CAMKMT: variants seen among roughly 807,000 people sequenced by gnomAD.
The protein encoded by CAMKMT is CaM KMT.
In CAMKMT, 53 loss-of-function variants were observed where a neutral mutation model predicts 48.0. The observed-to-expected ratio is 1.10, with a 90% CI of 0.89 to 1.39. CAMKMT has a LOEUF of 1.39. Among genes scored for constraint, CAMKMT ranks in the 40% most tolerant of loss-of-function variants. The probability of loss-of-function intolerance (pLI) is 0.00; values close to 1 mark genes in which losing one functional copy is unlikely to be tolerated. For missense variants in CAMKMT, 428 were observed against 402.7 expected (o/e 1.06, Z -0.54); for synonymous variants, 165 against 152.3 (o/e 1.08, Z -0.61).
At chr2:44,678,671 T>C (rs145579550) in intron 3 of CAMKMT, among the ~76,000 whole-genome samples, 352 of 152,338 alleles carry the variant, frequency 2.3e-3, no homozygotes, top group Admixed American at 5.4e-3. Context: ...GAAGCCATGT[T>C]ATGTTTTGTG....
intron 3 of CAMKMT, among the ~76,000 whole-genome samples, chr2:44,524,427 CATT>C (rs1032434962): frequency 6.6e-6 from 1 of 152,218 alleles, no homozygotes; most frequent in African/African-American, 2.4e-5. Context: ...CCCAAAGGTG[CATT>C]ATTATTATTG....
At chr2:44,517,325 A>G (rs1448524090) in intron 3 of CAMKMT, among the ~76,000 whole-genome samples, 1 of 152,192 alleles carries the variant, frequency 6.6e-6, no homozygotes, top group African/African-American at 2.4e-5. Flanking sequence ...AATTTTGATT[A>G]ATATGTTTTA....
intron 9 of CAMKMT, among the ~76,000 whole-genome samples, chr2:44,755,092 C>G (rs1156774768): frequency 6.6e-6 from 1 of 152,090 alleles, no homozygotes; most frequent in African/African-American, 2.4e-5. Context: ...TTCAGTGGTT[C>G]CCAGAGCAAT....
chr2:44,400,135 A>T (rs1180936450), intron 3 of CAMKMT, among the ~76,000 whole-genome samples: 3 of 152,182 alleles, frequency 2.0e-5, no homozygotes, highest in African/African-American at 7.2e-5. Context: ...AAGTGTATTT[A>T]TATTTGATAT....
intron 3 of CAMKMT, among the ~76,000 whole-genome samples, chr2:44,490,934 G>C (rs1285308297): frequency 6.6e-6 from 1 of 152,060 alleles, no homozygotes; most frequent in Non-Finnish European, 1.5e-5. Flanking sequence ...TGAATCAGTT[G>C]AGCTCAAGAA....
At chr2:44,714,921 CA>C (rs1223000549) in intron 6 of CAMKMT, among the ~76,000 whole-genome samples, 17 of 152,158 alleles carry the variant, frequency 1.1e-4, no homozygotes, top group Non-Finnish European at 1.3e-4. Context: ...TGGCCAGGCG[CA>C]GTGGCTCACA....
chr2:44,576,936 T>A (rs576331626), intron 3 of CAMKMT, among the ~76,000 whole-genome samples: 1 of 152,346 alleles, frequency 6.6e-6, no homozygotes, highest in South Asian at 2.1e-4. Flanking sequence ...CTGTGTTAGA[T>A]GCTGGAACTG....
intron 3 of CAMKMT, among the ~76,000 whole-genome samples, chr2:44,614,037 G>T (rs574552386): frequency 6.6e-6 from 1 of 152,234 alleles, no homozygotes; most frequent in Admixed American, 6.5e-5. Flanking sequence ...TGTAGAAGGG[G>T]CTATACATAA....
chr2:44,420,526 G>A (rs1195067980), intron 3 of CAMKMT, among the ~76,000 whole-genome samples: 1 of 151,774 alleles, frequency 6.6e-6, no homozygotes, highest in Non-Finnish European at 1.5e-5. Flanking sequence ...ATGTATATGT[G>A]GACCTGTGCA....
At chr2:44,383,900 C>T (rs1168781860) in intron 2 of CAMKMT, among the ~76,000 whole-genome samples, 11 of 152,062 alleles carry the variant, frequency 7.2e-5, no homozygotes, top group Non-Finnish European at 1.5e-5. Context: ...GTTGGTTCCA[C>T]GATTTTGCAA....
At chr2:44,635,218 AGATAAG>A (rs1673057091) in intron 3 of CAMKMT, among the ~76,000 whole-genome samples, 1 of 152,184 alleles carries the variant, frequency 6.6e-6, no homozygotes, top group South Asian at 2.1e-4. Context: ...TAAGGTGTCT[AGATAAG>A]GATAGTATTT....
At chr2:44,757,181 A>T (rs763487367) in intron 9 of CAMKMT, among the ~76,000 whole-genome samples, 1 of 152,158 alleles carries the variant, frequency 6.6e-6, no homozygotes, top group East Asian at 1.9e-4. Context: ...TCCACATGAG[A>T]TGTTTATCCA....
At chr2:44,606,808 A>AC (rs11421579) in intron 3 of CAMKMT, among the ~76,000 whole-genome samples, 27,045 of 138,074 alleles carry the variant, frequency 0.2, 2,539 homozygotes, top group Admixed American at 0.29. Context: ...TCTTAATGTG[A>AC]CCCCCCCCCC....
chr2:44,412,968 A>AG (rs1355341161), intron 3 of CAMKMT, among the ~76,000 whole-genome samples: 2 of 151,586 alleles, frequency 1.3e-5, no homozygotes, highest in Non-Finnish European at 2.9e-5. Flanking sequence ...CCCAGCTATT[A>AG]GGGGGGCGGA....
intron 3 of CAMKMT, among the ~76,000 whole-genome samples, chr2:44,457,684 C>T (rs1300890289): frequency 6.6e-6 from 1 of 152,188 alleles, no homozygotes; most frequent in African/African-American, 2.4e-5. Context: ...AGGCATGAGC[C>T]ACCGTGCCCG....
intron 3 of CAMKMT, among the ~76,000 whole-genome samples, chr2:44,546,521 C>T (rs1667420182): frequency 6.6e-6 from 1 of 152,194 alleles, no homozygotes; most frequent in South Asian, 2.1e-4. Context: ...TAATGCTATT[C>T]CTGATGACCT....
intron 3 of CAMKMT, among the ~76,000 whole-genome samples, chr2:44,649,726 T>C (rs1357800566): frequency 1.3e-5 from 2 of 152,184 alleles, no homozygotes; most frequent in African/African-American, 2.4e-5. Flanking sequence ...TTCAAATATG[T>C]TAGAGATGTG....
chr2:44,664,120 A>T (rs1452154036), intron 3 of CAMKMT, among the ~76,000 whole-genome samples: 1 of 152,206 alleles, frequency 6.6e-6, no homozygotes, highest in Non-Finnish European at 1.5e-5. Context: ...TAGTTGTTTC[A>T]TGATAATCTG....
intron 3 of CAMKMT, among the ~76,000 whole-genome samples, chr2:44,516,633 T>C (rs993953807): frequency 3.9e-5 from 6 of 152,202 alleles, no homozygotes; most frequent in Admixed American, 1.3e-4. Flanking sequence ...ATTTTAATTA[T>C]ATGGCCTTTC....
Sources: allele counts gnomAD v4.1 joint callset (sites outside exome capture counted in the v4.1 genomes callset), GRCh38; gene constraint gnomAD v4.1.1; transcripts MANE v1.5; gene names NCBI Gene and HGNC (gene_info 2026-07-23, HGNC 2026-07-21).